The following L3MBTL4 variants were observed in gnomAD, a reference collection of about 807,000 sequenced individuals.
The protein encoded by L3MBTL4 is lethal(3)malignant brain tumor-like protein 4.
A neutral mutation model predicts 84.5 loss-of-function variants in L3MBTL4; 70 were observed. The ratio of observed to expected loss-of-function variants is 0.83; its 90% CI spans 0.68 to 1.01. The LOEUF is 1.01. Among genes scored for constraint, L3MBTL4 ranks in the 50% least tolerant of loss-of-function variants. L3MBTL4 has a pLI of 0.00. For missense variants in L3MBTL4, 715 were observed against 754.8 expected, an observed-to-expected ratio of 0.95 and a Z score of 0.62; for synonymous variants, 274 against 259.8, an observed-to-expected ratio of 1.05 and a Z score of -0.52.
At chr18:6,369,078 T>C (rs915165857) in intron 1 of L3MBTL4, among the ~76,000 whole-genome samples, 5 of 150,598 alleles carry the variant, frequency 3.3e-5, no homozygotes, top group African/African-American at 1.2e-4. Flanking sequence ...ATGCCTGTTA[T>C]GCACAAGCAC....
At chr18:6,385,066 A>G (rs2054761546) in intron 1 of L3MBTL4, among the ~76,000 whole-genome samples, 1 of 152,188 alleles carries the variant, frequency 6.6e-6, no homozygotes, top group Admixed American at 6.5e-5. Flanking sequence ...GTAAGTTCAA[A>G]GCAAAATATC....
intron 5 of L3MBTL4, among the ~76,000 whole-genome samples, chr18:6,252,210 G>A (rs1385124802): frequency 1.3e-5 from 2 of 152,150 alleles, no homozygotes; most frequent in African/African-American, 4.8e-5. Flanking sequence ...CTACTTGGGA[G>A]GCTGAGGCAG....
intron 16 of L3MBTL4, among the ~76,000 whole-genome samples, chr18:6,048,582 A>G (rs2056723505): frequency 6.6e-6 from 1 of 152,106 alleles, no homozygotes; most frequent in African/African-American, 2.4e-5. Context: ...GGCTCACTTA[A>G]GGTCAGGAGT....
intron 8 of L3MBTL4, among the ~76,000 whole-genome samples, chr18:6,240,205 G>A (rs1362104233): frequency 6.6e-6 from 1 of 151,900 alleles, no homozygotes; most frequent in African/African-American, 2.4e-5. Flanking sequence ...GAACACAATA[G>A]TATCAAATAA....
chr18:6,269,714 A>G (rs969523668), intron 4 of L3MBTL4, among the ~76,000 whole-genome samples: 1 of 152,254 alleles, frequency 6.6e-6, no homozygotes, highest in South Asian at 2.1e-4. Context: ...AGCGCAGTTT[A>G]TATGAACATT....
chr18:6,027,283 A>T (rs6506359), intron 16 of L3MBTL4, among the ~76,000 whole-genome samples: 29 of 151,862 alleles, frequency 1.9e-4, no homozygotes, highest in Admixed American at 6.6e-4. Context: ...AGAACATGCC[A>T]TGTTTGGTTT....
intron 17 of L3MBTL4, among the ~76,000 whole-genome samples, chr18:5,966,327 T>C (rs769171295): frequency 4.6e-5 from 7 of 152,160 alleles, no homozygotes; most frequent in African/African-American, 7.2e-5. Context: ...ATGCATATAC[T>C]GTACACAATT....
At chr18:6,054,179 G>A (rs994747460) in intron 16 of L3MBTL4, among the ~76,000 whole-genome samples, 1 of 151,966 alleles carries the variant, frequency 6.6e-6, no homozygotes, top group Non-Finnish European at 1.5e-5. Flanking sequence ...GAAACTGATG[G>A]ACTGAGACAC....
At chr18:5,993,056 T>A (rs1226330375) in intron 16 of L3MBTL4, among the ~76,000 whole-genome samples, 2 of 152,130 alleles carry the variant, frequency 1.3e-5, no homozygotes, top group African/African-American at 4.8e-5. Flanking sequence ...AAAATGAGCA[T>A]CTTATGCAGC....
chr18:6,017,620 C>A (rs910226592), intron 16 of L3MBTL4: 2 of 152,192 alleles, frequency 1.3e-5, no homozygotes. Context: ...TGGGTAACAG[C>A]CCATAATATC....
chr18:6,356,664 A>T (rs1292793317), intron 1 of L3MBTL4: 2 of 152,202 alleles, frequency 1.3e-5, no homozygotes, highest in African/African-American at 2.4e-5. Context: ...TATAAAAGAT[A>T]AAAAATGGAG....
intron 14 of L3MBTL4, among the ~76,000 whole-genome samples, chr18:6,137,971 C>T (rs1230350894): frequency 1.3e-5 from 2 of 152,092 alleles, no homozygotes; most frequent in African/African-American, 4.8e-5. Flanking sequence ...GATTCTGGGA[C>T]ATGAAGTGGG....
At chr18:6,051,261 G>A (rs536723539) in intron 16 of L3MBTL4, among the ~76,000 whole-genome samples, 1 of 152,328 alleles carries the variant, frequency 6.6e-6, no homozygotes, top group South Asian at 2.1e-4. Flanking sequence ...GCAGCAGGCC[G>A]GGCGCAGTGG....
chr18:6,118,208 A>AACACACACACACACAC (rs60207558), intron 14 of L3MBTL4, among the ~76,000 whole-genome samples: 5,680 of 141,806 alleles, frequency 0.04, 435 homozygotes, highest in African/African-American at 0.14. Flanking sequence ...AACACACACA[A>AACACACACACACACAC]ACACACACAC....
chr18:6,108,514 T>C (rs2059086227), intron 14 of L3MBTL4, among the ~76,000 whole-genome samples: 1 of 152,148 alleles, frequency 6.6e-6, no homozygotes, highest in African/African-American at 2.4e-5. Flanking sequence ...TTTGCAATAA[T>C]ATATATTATT....
intron 1 of L3MBTL4, among the ~76,000 whole-genome samples, chr18:6,356,339 A>G (rs997478058): frequency 2.0e-5 from 3 of 152,146 alleles, no homozygotes; most frequent in African/African-American, 7.2e-5. Flanking sequence ...ATTCTGCCAA[A>G]CTCTATTTGT....
In L3MBTL4 at chr18:6,198,109, G is replaced by A. The variant is rs1996924; in HGVS notation, c.981+15040C>T. Among the ~76,000 whole-genome samples, 702 of 152,168 alleles carry A rather than the reference G, an allele frequency of 4.6e-3. 5 individuals carry two copies. Among genetic ancestry groups the A allele is most frequent in the African/African-American group, 0.016 (661 of 41,496 alleles). On this transcript the variant is annotated intron_variant, in intron 12 of 18. Coordinates refer to ENST00000317931, the MANE Select transcript of L3MBTL4 (RefSeq NM_001330559.2). ...ATCTTTCTTCAGTCTCTCCTTGTGG[G>A]TATTTTACTGCTGATGAAAAATTAT...
chr18:6,035,696 G>T (rs1598505415), intron 16 of L3MBTL4, among the ~76,000 whole-genome samples: 1 of 152,108 alleles, frequency 6.6e-6, no homozygotes, highest in East Asian at 1.9e-4. Flanking sequence ...AAAGTCATTG[G>T]TAGCTTGATG....
intron 1 of L3MBTL4, among the ~76,000 whole-genome samples, chr18:6,392,488 G>T (rs1207925367): frequency 1.3e-5 from 2 of 152,226 alleles, no homozygotes. Flanking sequence ...GGCAGAGGTT[G>T]CAGTGAGCCA....
Sources: allele counts gnomAD v4.1 joint callset (sites outside exome capture counted in the v4.1 genomes callset), GRCh38; gene constraint gnomAD v4.1.1; transcripts MANE v1.5; gene names NCBI Gene and HGNC (gene_info 2026-07-23, HGNC 2026-07-21).